The following MYH4 variants were observed in gnomAD, a reference collection of about 807,000 sequenced individuals.
MYH4 encodes myosin heavy chain 4.
A neutral mutation model predicts 229.9 loss-of-function variants in MYH4; 200 were observed. That is an observed-to-expected ratio of 0.87 (90% CI 0.78 to 0.98). The LOEUF is 0.98. Ranked by LOEUF, MYH4 falls within the 50% of genes least tolerant of loss-of-function variation. MYH4 has a pLI of 0.00. For synonymous variants in MYH4, 761 were observed against 834.6 expected (o/e 0.91, Z 1.52); for missense variants, 2,148 against 2,332.6 (o/e 0.92, Z 1.63).
chr17:10,451,274 C>T, intron 28 of MYH4, 52 bp downstream of exon 28: 2 of 1,596,262 alleles, frequency 1.3e-6, no homozygotes, highest in Non-Finnish European at 1.7e-6. Context: ...TAGGTAAAGG[C>T]TTGTCTTTCA....
At position 10,453,218 on chromosome 17, in the gene MYH4, C is replaced by G; in HGVS notation, c.3045G>C (p.Gln1015His). Reference protein sequence around the residue: ...EAHQQTLDDLQMEEDKVNTLT... With the variant: ...EAHQQTLDDLHMEEDKVNTLT... ...GGGTGTTGACTTTGTCCTCCTCCATCTGCAGGTCATCCAGGGTCTGCTGGT... is the reference window on the plus strand; with the variant it reads ...GGGTGTTGACTTTGTCCTCCTCCATGTGCAGGTCATCCAGGGTCTGCTGGT... Residue 1015 changes from glutamine to histidine, a missense_variant, in exon 24 of 40, where the codon CAG (glutamine) becomes CAC (histidine). By Grantham distance (24) the Gln-to-His change is conservative. Transcript: ENST00000255381. 6.2e-7 allele frequency: 1 copy of G among 1,614,094 alleles called. No homozygotes were observed. Among genetic ancestry groups the G allele is most frequent in the Non-Finnish European group, 8.5e-7 (1 of 1,180,022 alleles).
Position 10,448,052 on chromosome 17 carries a change from G to A in MYH4, c.4731C>T (p.Asp1577=), listed in dbSNP as rs745986133. 3.7e-6 allele frequency: 6 copies of A among 1,613,862 alleles called. No homozygotes were observed. The highest frequency in any genetic ancestry group is 5.1e-6 in the Non-Finnish European group (6 of 1,179,976). ...LELNQVKSEI[D]RKIAEKDEEL... ...CTTCATCTTTTTCAGCAATTTTTCG[G>A]TCAATCTCAGATTTCACCTGATTTA... is the stretch of plus-strand genomic sequence containing the variant. The change falls in exon 34 of 40, where the codon GAC becomes GAT. Residue 1577 remains aspartate, a synonymous_variant. Coordinates refer to ENST00000255381, the MANE Select transcript of MYH4 (RefSeq NM_017533.2).
chr17:10,460,466 C>T, intron 12 of MYH4, 145 bp from the exon 13 acceptor site: 1 of 678,904 alleles, frequency 1.5e-6, no homozygotes, highest in African/African-American at 1.8e-5. Flanking sequence ...CATATTGCCT[C>T]AAAAGCATTG....
rs200269775 is a variant in MYH4, at chr17:10,448,436, T to C, written c.4616A>G (p.His1539Arg). 6.2e-7 allele frequency: 1 copy of C among 1,613,996 alleles called. No individual in the cohort carries two copies. The highest frequency in any genetic ancestry group is 8.5e-7 in the Non-Finnish European group (1 of 1,179,906). The change falls in exon 33 of 40, where the codon CAT becomes CGT. Residue 1539 changes from histidine (H) to arginine (R), a missense_variant. His to Arg is a conservative substitution (Grantham distance 29). Transcript: ENST00000255381. ...ELEKVKKQLD[H>R]EKSELQTSLE... is the part of the protein sequence containing the mutation. Reference sequence around the variant, plus strand: ...GGAAGTCTGTAGTTCACTCTTCTCATGATCAAGTTGTTTCTTTACTTTCTC... The same window carrying C: ...GGAAGTCTGTAGTTCACTCTTCTCACGATCAAGTTGTTTCTTTACTTTCTC...
At chr17:10,468,516 T>C (rs1231697983) in intron 2 of MYH4, among the ~76,000 whole-genome samples, 2 of 152,230 alleles carry the variant, frequency 1.3e-5, no homozygotes, top group Admixed American at 6.5e-5. Flanking sequence ...AATTCTTAAG[T>C]GTAGAATAGG....
At chr17:10,448,567 GA>G in intron 32 of MYH4, 47 bp from the exon 33 acceptor site, 1 of 1,609,900 alleles carries the variant, frequency 6.2e-7, no homozygotes, top group Non-Finnish European at 8.5e-7. Context: ...AAGAAAAATT[GA>G]AAAGATGTCT....
chr17:10,449,457 GA>G (rs1810596711), intron 30 of MYH4, among the ~76,000 whole-genome samples: 1 of 152,158 alleles, frequency 6.6e-6, no homozygotes, highest in African/African-American at 2.4e-5. Flanking sequence ...TTTCTCTTTT[GA>G]AACCTGGGAT....
intron 13 of MYH4, 30 bp downstream of exon 13, chr17:10,460,173 A>C: frequency 6.2e-7 from 1 of 1,613,446 alleles, no homozygotes; most frequent in Admixed American, 1.7e-5. Context: ...TTGCGGTTCA[A>C]ATAAATCAGA....
chr17:10,464,708 T>C lies in MYH4; in HGVS notation c.506A>G (p.Asp169Gly). The C allele has an allele frequency of 6.2e-7, 1 of 1,613,336 alleles. No individual in the cohort carries two copies. The highest frequency in any genetic ancestry group is 8.5e-7 in the Non-Finnish European group (1 of 1,179,406). Reference sequence around the variant, plus strand: ...AATCAAGATTGACTGGTTTTCACGATCTGTAAAAGAGAAGCCAAAGATAAT... The same window carrying C: ...AATCAAGATTGACTGGTTTTCACGACCTGTAAAAGAGAAGCCAAAGATAAT... Reference protein sequence around the residue: ...SDNAYQFMLTDRENQSILITG... With the variant: ...SDNAYQFMLTGRENQSILITG... Residue 169 changes from aspartate to glycine, a missense_variant and splice_region_variant, in exon 6 of 40, where the codon GAT (aspartate) becomes GGT (glycine). Physicochemically the swap from Asp to Gly is moderately conservative, Grantham distance 94. Coordinates refer to ENST00000255381, the MANE Select transcript of MYH4 (RefSeq NM_017533.2).
At position 10,448,738 on chromosome 17, in the gene MYH4, G is replaced by T. The variant is rs1358897928; in HGVS notation, c.4411C>A (p.Leu1471Ile). 1 of 1,614,124 alleles carries T rather than the reference G, an allele frequency of 6.2e-7. No homozygotes were observed. Among genetic ancestry groups the T allele is most frequent in the South Asian group, 1.1e-5 (1 of 91,086 alleles). ...CGCGACTCCTTCTGGGAGGCCTCAA[G>T]TTCAGCCTGAGTTTCCTCATACTTC... ...KQKYEETQAELEASQKESRSL... is the reference protein window; with the variant it reads ...KQKYEETQAEIEASQKESRSL... The change falls in exon 32 of 40, where the codon CTT becomes ATT. Residue 1471 changes from leucine to isoleucine, a missense_variant. Transcript: ENST00000255381.
chr17:10,451,639 T>TTA, intron 27 of MYH4, among the ~76,000 whole-genome samples, 187 bp from the exon 28 acceptor site: 1 of 152,328 alleles, frequency 6.6e-6, no homozygotes, highest in Non-Finnish European at 1.5e-5. Context: ...ATTATCAAAA[T>TTA]TATATTCTCT....
At chr17:10,448,825 T>C (rs529618889) in intron 31 of MYH4, 39 bp downstream of exon 31, 1 of 1,612,842 alleles carries the variant, frequency 6.2e-7, no homozygotes, top group Admixed American at 1.7e-5. Context: ...CCAAGAATGA[T>C]GTCAGTTTCC....
chr17:10,460,459 A>G (rs989535152), intron 12 of MYH4, 138 bp from the exon 13 acceptor site: 20 of 704,526 alleles, frequency 2.8e-5, no homozygotes, highest in African/African-American at 7.2e-5. Flanking sequence ...ATTTGTTCAT[A>G]TTGCCTCAAA....
chr17:10,455,653 C>A lies in MYH4; in HGVS notation c.2135G>T (p.Gly712Val). 3 of 1,614,044 alleles carry A rather than the reference C, an allele frequency of 1.9e-6. No individual in the cohort carries two copies. The highest frequency in any genetic ancestry group is 2.5e-6 in the Non-Finnish European group (3 of 1,179,952). ...TGCATAAAGGATTCTGCTTGGGAAGCCTTTCCTGCAGATGCGGATGCCTTC... is the reference window on the plus strand; with the variant it reads ...TGCATAAAGGATTCTGCTTGGGAAGACTTTCCTGCAGATGCGGATGCCTTC... ...VLEGIRICRK[G>V]FPSRILYADF... Residue 712 changes from glycine to valine, a missense_variant, in exon 19 of 40, where the codon GGC (glycine) becomes GTC (valine). Physicochemically the swap from Gly to Val is moderately radical, Grantham distance 109 (BLOSUM62 -3). Coordinates refer to ENST00000255381, the MANE Select transcript of MYH4 (RefSeq NM_017533.2).
At chr17:10,466,165 C>T (rs2072764048) in intron 4 of MYH4, 108 bp downstream of exon 4, 5 of 1,279,044 alleles carry the variant, frequency 3.9e-6, no homozygotes, top group Non-Finnish European at 4.4e-6. Flanking sequence ...AACAATTGGT[C>T]ATAAAAGAAC....
At chr17:10,450,127 CAA>C (rs2072555965) in intron 30 of MYH4, among the ~76,000 whole-genome samples, 1 of 152,126 alleles carries the variant, frequency 6.6e-6, no homozygotes, top group Non-Finnish European at 1.5e-5. Context: ...CAGAGAGTCT[CAA>C]TGTCTCAATT....
chr17:10,450,737 C>G (rs748835640), intron 29 of MYH4, 40 bp downstream of exon 29: 2 of 1,609,192 alleles, frequency 1.2e-6, no homozygotes, highest in South Asian at 1.1e-5. Flanking sequence ...TTATGTTGCA[C>G]GGTTCAAGTG....
In MYH4 at chr17:10,454,568, A is replaced by G. The variant is rs746252675; in HGVS notation, c.2678T>C (p.Leu893Pro). The G allele has an allele frequency of 2.5e-6, 4 of 1,613,674 alleles. No individual in the cohort carries two copies. The highest frequency in any genetic ancestry group is 3.4e-6 in the Non-Finnish European group (4 of 1,179,924). ...TATAATACTTACAGCTTGAACTTGG[A>G]GTTGTAAGTCATTTTTCTCTTGCAT... ...TLMQEKNDLQ[L>P]QVQAEADALA... Residue 893 changes from leucine (L) to proline (P), a missense_variant, in exon 22 of 40, where the codon CTC (leucine) becomes CCC (proline). By Grantham distance (98) the Leu-to-Pro change is moderately conservative. Coordinates refer to ENST00000255381, the MANE Select transcript of MYH4 (RefSeq NM_017533.2).
At position 10,461,078 on chromosome 17, in the gene MYH4, C is replaced by T. The variant is rs148623363; in HGVS notation, c.1009-24G>A. The T allele has an allele frequency of 3.1e-5, 50 of 1,613,240 alleles. No homozygotes were observed. In the East Asian group the frequency reaches 1.0e-3, roughly 34 times the overall value. On this transcript the variant is annotated intron_variant, in intron 11 of 39. Transcript: ENST00000255381. ...CTCTGTCAAAAGAGTTGAATTTGCT[C>T]ATCCCCAATTAGCACCATGGAAGAA...
Sources: gnomAD v4.1 joint callset for allele counts (sites outside exome capture counted in the v4.1 genomes callset) on GRCh38, gnomAD v4.1.1 for gene constraint, MANE v1.5 for transcripts, NCBI Gene and HGNC (gene_info 2026-07-23, HGNC 2026-07-21) for gene names.